PRKN: variants seen among roughly 807,000 people sequenced by gnomAD.
The protein encoded by PRKN is parkin RBR E3 ubiquitin protein ligase.
PRKN carries 56 observed loss-of-function variants against 59.5 expected under a neutral mutation model. The observed-to-expected ratio is 0.94, with a 90% confidence interval of 0.76 to 1.18. The LOEUF (loss-of-function observed/expected upper bound fraction) is 1.18, where lower values mean the gene tolerates loss of function less well. PRKN is among the 50% of genes most tolerant of loss of function. PRKN has a pLI of 0.00. For synonymous variants in PRKN, 250 were observed against 222.1 expected, an observed-to-expected ratio of 1.13 and a Z score of -1.12; for missense variants, 657 against 596.4, an observed-to-expected ratio of 1.10 and a Z score of -1.06.
At chr6:162,387,144 G>A (rs1007211754) in intron 2 of PRKN, among the ~76,000 whole-genome samples, 1 of 147,824 alleles carries the variant, frequency 6.8e-6, no homozygotes. Flanking sequence ...TTGAAGCAAT[G>A]ATGTGAATAA....
intron 7 of PRKN, among the ~76,000 whole-genome samples, chr6:161,771,656 GAA>G (rs974858854): frequency 6.6e-6 from 1 of 152,136 alleles, no homozygotes; most frequent in African/African-American, 2.4e-5. Flanking sequence ...CACTCGAGTA[GAA>G]TCAGTGATGG....
chr6:161,993,981 A>T (rs1781745355), intron 5 of PRKN, among the ~76,000 whole-genome samples: 1 of 152,168 alleles, frequency 6.6e-6, no homozygotes, highest in Admixed American at 6.5e-5. Context: ...TTCATGAGGA[A>T]CTGCTCCCAT....
chr6:161,869,619 G>A (rs999813127), intron 6 of PRKN, among the ~76,000 whole-genome samples: 2 of 152,144 alleles, frequency 1.3e-5, no homozygotes, highest in African/African-American at 2.4e-5. Context: ...TGCTGTTTCT[G>A]TCAAGAGAAT....
intron 2 of PRKN, among the ~76,000 whole-genome samples, chr6:162,303,981 T>C (rs1293577996): frequency 6.6e-6 from 1 of 151,642 alleles, no homozygotes; most frequent in Admixed American, 6.6e-5. Context: ...AAGGTCCAAA[T>C]ACATTCAGTC....
At chr6:161,607,710 G>C (rs1782333610) in intron 7 of PRKN, among the ~76,000 whole-genome samples, 1 of 152,136 alleles carries the variant, frequency 6.6e-6, no homozygotes, top group African/African-American at 2.4e-5. Flanking sequence ...AGGAATCCCA[G>C]AAAGAGAAAA....
At chr6:161,954,406 A>C (rs1780097668) in intron 6 of PRKN, among the ~76,000 whole-genome samples, 1 of 152,206 alleles carries the variant, frequency 6.6e-6, no homozygotes, top group Admixed American at 6.5e-5. Context: ...GTACAGCCAG[A>C]TGCTTTTAGT....
chr6:162,414,287 T>A (rs1167640817), intron 2 of PRKN, among the ~76,000 whole-genome samples: 2 of 152,158 alleles, frequency 1.3e-5, no homozygotes, highest in South Asian at 2.1e-4. Context: ...GGGTGATGAC[T>A]GATTCCAGAT....
At chr6:162,663,267 A>C (rs529406717) in intron 1 of PRKN, among the ~76,000 whole-genome samples, 1 of 152,312 alleles carries the variant, frequency 6.6e-6, no homozygotes, top group South Asian at 2.1e-4. Context: ...CATTTCACAG[A>C]AAAGTGTGGC....
chr6:161,825,260 G>T (rs1792192135), intron 6 of PRKN, among the ~76,000 whole-genome samples: 1 of 152,072 alleles, frequency 6.6e-6, no homozygotes, highest in South Asian at 2.1e-4. Context: ...CTAAAAGTAT[G>T]ATTTTCCTGG....
chr6:162,626,737 G>A (rs924946308), intron 1 of PRKN, among the ~76,000 whole-genome samples: 18 of 150,940 alleles, frequency 1.2e-4, no homozygotes, highest in African/African-American at 4.1e-4. Context: ...TTGCTTGAAA[G>A]CGGGAGGTGG....
intron 7 of PRKN, among the ~76,000 whole-genome samples, chr6:161,773,349 G>A (rs2128203441): frequency 6.6e-6 from 1 of 152,316 alleles, no homozygotes. Context: ...TGCCCACTCT[G>A]ATGACAATGC....
chr6:162,393,915 A>G (rs1027180369), intron 2 of PRKN, among the ~76,000 whole-genome samples: 4 of 152,210 alleles, frequency 2.6e-5, no homozygotes, highest in Admixed American at 1.3e-4. Context: ...TCACTAAACC[A>G]TATTATTTCT....
intron 7 of PRKN, among the ~76,000 whole-genome samples, chr6:161,750,062 A>G (rs1055817985): frequency 7.3e-5 from 11 of 151,200 alleles, no homozygotes; most frequent in African/African-American, 2.4e-4. Context: ...GATATTTTCA[A>G]TTCATAGGAT....
intron 4 of PRKN, among the ~76,000 whole-genome samples, chr6:162,152,005 A>T (rs1239641130): frequency 6.6e-6 from 1 of 152,216 alleles, no homozygotes; most frequent in Non-Finnish European, 1.5e-5. Flanking sequence ...AATTAGCAGC[A>T]ATCCATTACA....
At chr6:161,787,127 G>A (rs1240028430) in intron 6 of PRKN, among the ~76,000 whole-genome samples, 4 of 151,924 alleles carry the variant, frequency 2.6e-5, no homozygotes, top group Admixed American at 6.6e-5. Flanking sequence ...AATCTTTAAC[G>A]CCTATAAGAG....
At position 162,615,737 on chromosome 6, in the gene PRKN, T is replaced by G. The variant is rs556758275; in HGVS notation, c.7+111925A>C. ...GCATTGAGATCTGCTTTACAGGAACTGAAAAATACAGTGTAAAATCAGGAC... is the reference window on the plus strand; with the variant it reads ...GCATTGAGATCTGCTTTACAGGAACGGAAAAATACAGTGTAAAATCAGGAC... On this transcript the variant is annotated intron_variant, in intron 1 of 11. Transcript: ENST00000366898. Among the ~76,000 whole-genome samples the G allele has an allele frequency of 3.9e-5, 6 of 152,326 alleles. No individual in the cohort carries two copies. The South Asian group carries it at 1.2e-3, about 32-fold the overall frequency.
At chr6:162,109,601 ATG>A (rs951046736) in intron 4 of PRKN, among the ~76,000 whole-genome samples, 12 of 152,102 alleles carry the variant, frequency 7.9e-5, no homozygotes, top group African/African-American at 2.7e-4. Flanking sequence ...GTGTTTGTTT[ATG>A]TGTTTGCAGT....
At position 161,785,818 on chromosome 6, in the gene PRKN, C is replaced by T. The variant is rs1376440366; in HGVS notation, c.825G>A (p.Arg275=). 1.2e-6 allele frequency: 2 copies of T among 1,614,036 alleles called. No individual in the cohort carries two copies. The highest frequency in any genetic ancestry group is 3.3e-5 in the Admixed American group (2 of 60,014). The part of the protein sequence containing the change: ...HLYCVTRLND[R]QFVHDPQLGY... ...CAAGTTGAGGGTCGTGAACAAACTG[C>T]CGATCATTGAGTCTTGTCACACAGT... Residue 275 remains arginine (R), a synonymous_variant, in exon 7 of 12, where the codon CGG becomes CGA. Transcript: ENST00000366898.
intron 4 of PRKN, among the ~76,000 whole-genome samples, chr6:162,084,570 ATGTAATGAAATAATTG>A (rs1349459882): frequency 1.3e-5 from 2 of 152,164 alleles, no homozygotes; most frequent in African/African-American, 4.8e-5. Flanking sequence ...ACATTTATGA[ATGTAATGAAATAATTG>A]TGTTATACTG....
Sources: allele counts gnomAD v4.1 joint callset (sites outside exome capture counted in the v4.1 genomes callset), GRCh38; gene constraint gnomAD v4.1.1; transcripts MANE v1.5; gene names NCBI Gene and HGNC (gene_info 2026-07-23, HGNC 2026-07-21).